The following TNKS variants were observed in gnomAD, a reference collection of about 807,000 sequenced individuals.
TNKS encodes tankyrase.
TNKS carries 72 observed loss-of-function variants against 135.8 expected under a neutral mutation model. That is an observed-to-expected ratio of 0.53 (90% CI 0.44 to 0.64). TNKS has a LOEUF of 0.64. TNKS is among the 30% of genes least tolerant of loss of function. TNKS has a pLI of 0.00. For synonymous variants in TNKS, 849 were observed against 649.3 expected, an observed-to-expected ratio of 1.31 and a Z score of -4.68; for missense variants, 1,769 against 1,674.0, an observed-to-expected ratio of 1.06 and a Z score of -0.99.
Position 9,592,075 on chromosome 8 carries a change from TTAAC to T in TNKS, c.898+11696_898+11699del, listed in dbSNP as rs577413692. ...TTTAACAGTAAAAGCCAGGTGGACTTTAACTAATTAGAAAATAATTATCTAAAAT... is the reference window on the plus strand; with the variant it reads ...TTTAACAGTAAAAGCCAGGTGGACTTTAATTAGAAAATAATTATCTAAAAT... On this transcript the variant is annotated intron_variant, in intron 2 of 26. Coordinates refer to ENST00000310430, the MANE Select transcript of TNKS (RefSeq NM_003747.3). Among the ~76,000 whole-genome samples the T allele has an allele frequency of 2.7e-4, 41 of 152,316 alleles. No homozygotes were observed. In the East Asian group the frequency reaches 7.1e-3, roughly 27 times the overall value.
At chr8:9,633,999 T>G (rs981776850) in intron 3 of TNKS, among the ~76,000 whole-genome samples, 3 of 151,904 alleles carry the variant, frequency 2.0e-5, no homozygotes, top group Non-Finnish European at 4.4e-5. Context: ...TTTTAAGTTG[T>G]CATTTCCAGA....
In TNKS at chr8:9,573,054, C is replaced by T. The variant is rs555328098; in HGVS notation, c.674-7105C>T. Reference sequence around the variant, plus strand: ...TATGTATATATATATATATAGCAAGCCATTCTCATATTTTAGATTCTAGTT... The same window carrying T: ...TATGTATATATATATATATAGCAAGTCATTCTCATATTTTAGATTCTAGTT... On this transcript the variant is annotated intron_variant, in intron 1 of 26. Coordinates refer to ENST00000310430, the MANE Select transcript of TNKS (RefSeq NM_003747.3). Among the ~76,000 whole-genome samples the T allele has an allele frequency of 4.0e-5, 6 of 151,180 alleles. No homozygotes were observed. In the East Asian group the frequency reaches 1.2e-3, roughly 29 times the overall value.
At chr8:9,681,099 A>G (rs1416969353) in intron 5 of TNKS, 1 of 224,554 alleles carries the variant, frequency 4.5e-6, no homozygotes, top group Non-Finnish European at 8.6e-6. Context: ...TCTGGGTATG[A>G]TAATGGAAAC....
intron 3 of TNKS, among the ~76,000 whole-genome samples, chr8:9,654,960 T>C (rs13277588): frequency 0.15 from 22,867 of 152,138 alleles, 1,929 homozygotes; most frequent in Admixed American, 0.24. Flanking sequence ...TCGCCTCACC[T>C]GGGAAGCGCA....
Position 9,771,329 on chromosome 8 carries a change from GGA to G in TNKS, c.3897+1075_3897+1076del, listed in dbSNP as rs768840048. 3.2e-4 allele frequency among the ~76,000 whole-genome samples: 40 copies of G among 126,778 alleles called. No homozygotes were observed. The East Asian group carries it at 4.4e-3, about 14-fold the overall frequency. The allele number at this position is 126,778 out of a possible 152,430, so 83.2% of individuals were successfully genotyped here. A position where few individuals can be genotyped will look rare whatever the true frequency, so the allele number is the denominator to read the frequency against. On this transcript the variant is annotated intron_variant, in intron 26 of 26. Transcript: ENST00000310430. ...AAGGAAGGAAGAGAGAAGAAAGGAG[GGA>G]GAGAGAGGAAGGGAAGCAGGGAGGG...
chr8:9,601,812 C>A (rs1245592231), intron 2 of TNKS, among the ~76,000 whole-genome samples: 1 of 152,122 alleles, frequency 6.6e-6, no homozygotes, highest in Non-Finnish European at 1.5e-5. Context: ...CTACTATTAT[C>A]TTTTCTACTT....
intron 3 of TNKS, among the ~76,000 whole-genome samples, chr8:9,676,686 C>CTCTGTGTG (rs1554467464): frequency 8.4e-4 from 124 of 147,878 alleles, no homozygotes; most frequent in East Asian, 6.5e-3. Flanking sequence ...CTCTCTCTCT[C>CTCTGTGTG]TGTGTGTGTG....
At chr8:9,690,279 C>G (rs780892850) in intron 5 of TNKS, among the ~76,000 whole-genome samples, 1 of 152,158 alleles carries the variant, frequency 6.6e-6, no homozygotes, top group Non-Finnish European at 1.5e-5. Flanking sequence ...TGAAAAATCC[C>G]CTTGAAGATT....
intron 20 of TNKS, 139 bp downstream of exon 20, chr8:9,752,765 G>A (rs1806613325): frequency 1.9e-6 from 1 of 533,498 alleles, no homozygotes; most frequent in Admixed American, 3.7e-5. Flanking sequence ...GACCAGCCTG[G>A]GCAACAAAGC....
intron 1 of TNKS, among the ~76,000 whole-genome samples, chr8:9,561,636 A>T (rs556043287): frequency 1.1e-4 from 16 of 152,130 alleles, no homozygotes; most frequent in Non-Finnish European, 2.2e-4. Context: ...TGTTTTGGCT[A>T]TTATGAATAA....
intron 11 of TNKS, among the ~76,000 whole-genome samples, chr8:9,719,125 C>A (rs1804745683): frequency 6.6e-6 from 1 of 152,146 alleles, no homozygotes; most frequent in Admixed American, 6.5e-5. Flanking sequence ...TATCAGCAGT[C>A]ATTTTTCTTC....
rs767500077 is a variant in TNKS, at chr8:9,735,502, T to C, written c.2643+16T>C. On this transcript the variant is annotated intron_variant, in intron 17 of 26. Transcript: ENST00000310430. ...ATCTTATGGGGTAAGCATACTAACA[T>C]TAAAATCTAGAAAACTGACCGCACG... The C allele has an allele frequency of 6.2e-7, 1 of 1,606,398 alleles. No homozygotes were observed. The highest frequency in any genetic ancestry group is 8.5e-7 in the Non-Finnish European group (1 of 1,173,056).
chr8:9,604,492 A>G (rs1799144149), intron 2 of TNKS, among the ~76,000 whole-genome samples: 1 of 152,090 alleles, frequency 6.6e-6, no homozygotes, highest in Non-Finnish European at 1.5e-5. Flanking sequence ...GTATCTGCCT[A>G]ACATATATAA....
chr8:9,589,269 G>A (rs973022912), intron 2 of TNKS, among the ~76,000 whole-genome samples: 1 of 152,226 alleles, frequency 6.6e-6, no homozygotes, highest in Non-Finnish European at 1.5e-5. Flanking sequence ...GGATCAGCTT[G>A]ACTAGGAGGT....
intron 11 of TNKS, among the ~76,000 whole-genome samples, chr8:9,713,639 C>G (rs1009140193): frequency 6.6e-6 from 1 of 152,084 alleles, no homozygotes; most frequent in Non-Finnish European, 1.5e-5. Context: ...TGCTAGTAGG[C>G]ACTTAAAAAA....
chr8:9,671,780 C>A (rs1349029479), intron 3 of TNKS, among the ~76,000 whole-genome samples: 1 of 152,214 alleles, frequency 6.6e-6, no homozygotes, highest in Non-Finnish European at 1.5e-5. Context: ...AGAAAAGACA[C>A]AGTTTAATAG....
chr8:9,681,271 T>G (rs1054315944), intron 5 of TNKS: 11 of 152,476 alleles, frequency 7.2e-5, no homozygotes, highest in African/African-American at 2.7e-4. Flanking sequence ...ACAGCTCTGC[T>G]CTTTTATTAT....
intron 23 of TNKS, among the ~76,000 whole-genome samples, chr8:9,765,424 C>T (rs746215258): frequency 8.6e-5 from 13 of 151,674 alleles, no homozygotes; most frequent in Non-Finnish European, 1.3e-4. Flanking sequence ...CTAAACATAA[C>T]CTTTTTACCT....
rs1044134172 is a variant in TNKS at position 9,777,119 on chromosome 8, TATACAC to T, written c.*388_*393del. 1 of 180,454 alleles carries T rather than the reference TATACAC, an allele frequency of 5.5e-6. No homozygotes were observed. Among genetic ancestry groups the T allele is most frequent in the African/African-American group, 2.4e-5 (1 of 42,426 alleles). The allele number at this position is 180,454 out of a possible 1,614,324, so 11.2% of individuals were successfully genotyped here. ...TTATGCATGACGTGTCTATAACAAA[TATACAC>T]ATACGACAGGCAACAAGCTTGTTTT... is the stretch of plus-strand genomic sequence containing the variant. On this transcript the variant is annotated 3_prime_UTR_variant, in exon 27 of 27. Transcript: ENST00000310430.
Sources: gnomAD v4.1 joint callset for allele counts (sites outside exome capture counted in the v4.1 genomes callset) on GRCh38, gnomAD v4.1.1 for gene constraint, MANE v1.5 for transcripts, NCBI Gene and HGNC (gene_info 2026-07-23, HGNC 2026-07-21) for gene names.